The following SKA3 variants were observed in gnomAD, a reference collection of about 807,000 sequenced individuals.
SKA3 encodes the protein spindle and kinetochore associated complex subunit 3, also known as spindle and kinetochore-associated protein 3.
A neutral mutation model predicts 44.2 loss-of-function variants in SKA3; 39 were observed. The observed-to-expected ratio is 0.88, with a 90% CI of 0.68 to 1.15. The LOEUF (loss-of-function observed/expected upper bound fraction) is 1.15, where lower values mean the gene tolerates loss of function less well. Among genes scored for constraint, SKA3 ranks in the 50% most tolerant of loss-of-function variants. The probability of loss-of-function intolerance (pLI) is 0.00; values close to 1 mark genes in which losing one functional copy is unlikely to be tolerated. For synonymous variants in SKA3, 192 were observed against 172.0 expected (o/e 1.12, Z -0.91); for missense variants, 511 against 485.8 (o/e 1.05, Z -0.49).
Position 21,154,569 on chromosome 13 carries a change from T to C in SKA3, c.*581A>G, listed in dbSNP as rs182055606. 4.5e-4 allele frequency: 70 copies of C among 153,954 alleles called. No homozygotes were observed. In the East Asian group the frequency reaches 0.01, roughly 23 times the overall value. 9.5% of individuals were successfully genotyped at this position (153,954 alleles called of 1,614,324 possible). ...ACTCTCAACCTGACAGCAGAGTTCC[T>C]GGTTCCAACTGTTGAGACCTGTCTC... On this transcript the variant is annotated 3_prime_UTR_variant, in exon 9 of 9. Transcript: ENST00000314759.
chr13:21,155,072 T>C lies in SKA3; in HGVS notation c.*78A>G, dbSNP rs758558892. ...TTAAAGGGGGACAGAGGCAGGGCAA[T>C]GTGAATGTTAAAATCGGTCCAGCTC... is the stretch of plus-strand genomic sequence containing the variant. On this transcript the variant is annotated 3_prime_UTR_variant, in exon 9 of 9. Coordinates refer to ENST00000314759, the MANE Select transcript of SKA3 (RefSeq NM_145061.6). 1 of 1,601,996 alleles carries C rather than the reference T, an allele frequency of 6.2e-7. No individual in the cohort carries two copies. Among genetic ancestry groups the C allele is most frequent in the Non-Finnish European group, 8.5e-7 (1 of 1,172,496 alleles).
In SKA3 at chr13:21,175,252, A is replaced by G. The variant is rs1271247603; in HGVS notation, c.103+1123T>C. ...CTCGGCCTCCCAAAATGCTGGGATT[A>G]CAGGCGTGTGCCACCGTGCACGGCC... On this transcript the variant is annotated intron_variant, in intron 1 of 8. Coordinates refer to ENST00000314759, the MANE Select transcript of SKA3 (RefSeq NM_145061.6). Among the ~76,000 whole-genome samples the G allele has an allele frequency of 2.0e-5, 3 of 151,334 alleles. No homozygotes were observed. In the South Asian group the frequency reaches 6.2e-4, roughly 31 times the overall value.
intron 6 of SKA3, among the ~76,000 whole-genome samples, chr13:21,158,646 C>CA (rs1304098559): frequency 9.2e-5 from 14 of 151,704 alleles, no homozygotes; most frequent in African/African-American, 3.1e-4. Context: ...AAACAAAAAC[C>CA]AAAAAAACGC....
intron 4 of SKA3, among the ~76,000 whole-genome samples, chr13:21,163,459 A>G (rs1870545492): frequency 6.6e-6 from 1 of 152,166 alleles, no homozygotes; most frequent in Admixed American, 6.6e-5. Flanking sequence ...ATTTAAGTAA[A>G]ATTTCATAAA....
chr13:21,161,302 T>C (rs1870424956), intron 5 of SKA3, among the ~76,000 whole-genome samples: 1 of 152,058 alleles, frequency 6.6e-6, no homozygotes, highest in Non-Finnish European at 1.5e-5. Context: ...CATAAAACTC[T>C]AGGATTTTTT....
chr13:21,160,437 T>C (rs188249319), intron 5 of SKA3, among the ~76,000 whole-genome samples: 24 of 151,912 alleles, frequency 1.6e-4, no homozygotes, highest in African/African-American at 4.6e-4. Flanking sequence ...CATGCATATA[T>C]AGACAAGAGA....
chr13:21,157,207 A>G (rs1277876524), intron 7 of SKA3, among the ~76,000 whole-genome samples: 4 of 152,242 alleles, frequency 2.6e-5, no homozygotes, highest in Non-Finnish European at 5.9e-5. Flanking sequence ...TAGTAGGCCA[A>G]TGGTAACTGC....
In SKA3 at chr13:21,172,361, A is replaced by G; in HGVS notation, c.309T>C (p.Ser103=). 1 of 1,570,482 alleles carries G rather than the reference A, an allele frequency of 6.4e-7. No homozygotes were observed. Among genetic ancestry groups the G allele is most frequent in the Non-Finnish European group, 8.6e-7 (1 of 1,162,376 alleles). The change falls in exon 3 of 9, where the codon AGT becomes AGC. Residue 103 remains serine (S), a synonymous_variant. Transcript: ENST00000314759. Reference sequence around the variant, plus strand: ...AACCTGAATTTTTCTTGACACGTGGACTATATCCATACTTCTGGAAATACT... The same window carrying G: ...AACCTGAATTTTTCTTGACACGTGGGCTATATCCATACTTCTGGAAATACT... ...IREYFQKYGY[S]PRVKKNSVHE...
In SKA3 at chr13:21,155,130, T is replaced by G. The variant is rs1310720176; in HGVS notation, c.*20A>C. 6.2e-7 allele frequency: 1 copy of G among 1,612,596 alleles called. No homozygotes were observed. The highest frequency in any genetic ancestry group is 8.5e-7 in the Non-Finnish European group (1 of 1,179,302). Reference sequence around the variant, plus strand: ...ATCTCATTTTGTTCAGTTTCTGTGTTGGATAGATCCACTGGAATTTCTGCA... The same window carrying G: ...ATCTCATTTTGTTCAGTTTCTGTGTGGGATAGATCCACTGGAATTTCTGCA... On this transcript the variant is annotated 3_prime_UTR_variant, in exon 9 of 9. Transcript: ENST00000314759.
chr13:21,160,769 A>T (rs542407408), intron 5 of SKA3, among the ~76,000 whole-genome samples: 1 of 152,338 alleles, frequency 6.6e-6, no homozygotes, highest in Non-Finnish European at 1.5e-5. Flanking sequence ...AATTTCCTTA[A>T]GGCACTGCCT....
At chr13:21,170,255 C>T (rs1285020046) in intron 3 of SKA3, among the ~76,000 whole-genome samples, 2 of 150,960 alleles carry the variant, frequency 1.3e-5, no homozygotes, top group Non-Finnish European at 2.9e-5. Flanking sequence ...TCTCAGCTCA[C>T]GGCAACCTCC....
chr13:21,158,220 A>G, intron 6 of SKA3, 95 bp from the exon 7 acceptor site: 1 of 661,176 alleles, frequency 1.5e-6, no homozygotes, highest in Non-Finnish European at 2.3e-6. Flanking sequence ...TGGGGTCTCT[A>G]ATAGGCTCCC....
At chr13:21,163,616 A>G (rs1452454429) in intron 4 of SKA3, among the ~76,000 whole-genome samples, 2 of 152,216 alleles carry the variant, frequency 1.3e-5, no homozygotes, top group African/African-American at 4.8e-5. Context: ...AGCCTAGTTA[A>G]AACTTGGAAA....
chr13:21,164,806 C>G (rs1870620564), intron 4 of SKA3, among the ~76,000 whole-genome samples: 1 of 151,960 alleles, frequency 6.6e-6, no homozygotes, highest in African/African-American at 2.4e-5. Context: ...TTTCAAACTC[C>G]TGGGTTCATG....
Position 21,154,358 on chromosome 13 carries a change from T to C in SKA3, c.*792A>G, listed in dbSNP as rs1547184. ...CTCTGGAGGCTCCCGTGGCCATAGC[T>C]AACAGTGCACAGGAGGGCCCCTGGC... On this transcript the variant is annotated 3_prime_UTR_variant, in exon 9 of 9. Transcript: ENST00000314759. 16,855 of 151,744 alleles carry C rather than the reference T, an allele frequency of 0.11. No homozygotes were observed. Among genetic ancestry groups the C allele is most frequent in the East Asian group, 0.23 (1,181 of 5,150 alleles). 9.4% of individuals were successfully genotyped at this position (151,744 alleles called of 1,614,324 possible). A position where few individuals can be genotyped will look rare whatever the true frequency, so the allele number is the denominator to read the frequency against.
In SKA3 at chr13:21,176,469, A is replaced by G; in HGVS notation, c.9T>C (p.Pro3=). 5 of 1,567,518 alleles carry G rather than the reference A, an allele frequency of 3.2e-6. No individual in the cohort carries two copies. The highest frequency in any genetic ancestry group is 4.3e-6 in the Non-Finnish European group (5 of 1,156,654). MD[P]IRSFCGKLRS... is the part of the protein sequence containing the mutation. ...GCAGCTTCCCGCAGAAGCTCCGGAT[A>G]GGGTCCATGCTGAGCACAGCGGGGA... The change falls in exon 1 of 9, where the codon CCT becomes CCC. Residue 3 remains proline (P), a synonymous_variant. Coordinates refer to ENST00000314759, the MANE Select transcript of SKA3 (RefSeq NM_145061.6).
At position 21,168,328 on chromosome 13, in the gene SKA3, T is replaced by G; in HGVS notation, c.403A>C (p.Lys135Gln). The change falls in exon 4 of 9, where the codon AAA becomes CAA. Residue 135 changes from lysine (K) to glutamine (Q), a missense_variant. By Grantham distance (53) the Lys-to-Gln change is moderately conservative. Coordinates refer to ENST00000314759, the MANE Select transcript of SKA3 (RefSeq NM_145061.6). ...ACAGGAGGATCAGACAGATCATCTT[T>G]CACATCAGTCTTCTGAAAATTTTCA... is the stretch of plus-strand genomic sequence containing the variant. ...NCENFQKTDV[K>Q]DDLSDPPVAS... 6.2e-7 allele frequency: 1 copy of G among 1,614,118 alleles called. No individual in the cohort carries two copies. Among genetic ancestry groups the G allele is most frequent in the Admixed American group, 1.7e-5 (1 of 60,020 alleles).
chr13:21,176,202 C>A, intron 1 of SKA3, 173 bp downstream of exon 1: 1 of 568,954 alleles, frequency 1.8e-6, no homozygotes, highest in Non-Finnish European at 3.0e-6. Context: ...CCGGGAGCTA[C>A]GCTAACGCCA....
At chr13:21,170,909 T>TTGTATGTATGTATGTATGTA (rs74392336) in intron 3 of SKA3, among the ~76,000 whole-genome samples, 3 of 150,476 alleles carry the variant, frequency 2.0e-5, no homozygotes, top group Non-Finnish European at 4.4e-5. Flanking sequence ...TATGGGTTGT[T>TTGTATGTATGTATGTATGTA]TGTATGTATG....
Sources: allele counts gnomAD v4.1 joint callset (sites outside exome capture counted in the v4.1 genomes callset), GRCh38; gene constraint gnomAD v4.1.1; transcripts MANE v1.5; gene names NCBI Gene and HGNC (gene_info 2026-07-23, HGNC 2026-07-21).